Variants in C16orf74 observed in about 807,000 individuals in gnomAD.
The protein encoded by C16orf74 is calcimembrin.
C16orf74 carries 10 observed loss-of-function variants against 6.5 expected under a neutral mutation model. The observed-to-expected ratio is 1.54, with a 90% confidence interval of 0.95 to 2.61. The LOEUF is 2.61. Ranked by LOEUF, C16orf74 falls within the 30% of genes most tolerant of loss-of-function variation. C16orf74 has a pLI of 0.00. For synonymous variants in C16orf74, 60 were observed against 42.5 expected (o/e 1.41, Z -1.60); for missense variants, 141 against 105.9 (o/e 1.33, Z -1.45).
At chr16:85,741,086 G>C (rs567288659) in intron 1 of C16orf74, among the ~76,000 whole-genome samples, 1 of 152,290 alleles carries the variant, frequency 6.6e-6, no homozygotes, top group Admixed American at 6.5e-5. Context: ...GGAAAGAAAG[G>C]CAACATCCAG....
In C16orf74 at chr16:85,714,400, T is replaced by A. The variant is rs199806841; in HGVS notation, c.29-4093A>T. On this transcript the variant is annotated intron_variant, in intron 2 of 3. Coordinates refer to ENST00000284245, the MANE Select transcript of C16orf74 (RefSeq NM_206967.3). ...CCTATTATTTATTTATTTATTTATT[T>A]ATTATTTATTTATTTATTTATTTAT... Among the ~76,000 whole-genome samples, 78 of 32,130 alleles carry A rather than the reference T, an allele frequency of 2.4e-3. 1 individual carries two copies. The highest frequency in any genetic ancestry group is 8.1e-3 in the African/African-American group (77 of 9,478). The allele number at this position is 32,130 out of a possible 152,430, so 21.1% of individuals were successfully genotyped here.
In C16orf74 at chr16:85,734,100, T is replaced by C. The variant is rs1015113551; in HGVS notation, c.28+1090A>G. ...TCCCCTCGGCTTTCCAGTAAATTCCTTGTTAACCAGTATCCGCTTCTGTAG... is the reference window on the plus strand; with the variant it reads ...TCCCCTCGGCTTTCCAGTAAATTCCCTGTTAACCAGTATCCGCTTCTGTAG... On this transcript the variant is annotated intron_variant, in intron 2 of 3. Transcript: ENST00000284245. Among the ~76,000 whole-genome samples, 5 of 152,202 alleles carry C rather than the reference T, an allele frequency of 3.3e-5. No homozygotes were observed. The South Asian group carries it at 8.3e-4, about 25-fold the overall frequency.
At chr16:85,745,691 A>G (rs910242658) in intron 1 of C16orf74, among the ~76,000 whole-genome samples, 1 of 150,818 alleles carries the variant, frequency 6.6e-6, no homozygotes, top group Non-Finnish European at 1.5e-5. Flanking sequence ...CGCTGGCTGG[A>G]GGGACCCTGC....
At chr16:85,730,187 T>A (rs1478806230) in intron 2 of C16orf74, among the ~76,000 whole-genome samples, 3 of 152,100 alleles carry the variant, frequency 2.0e-5, no homozygotes, top group African/African-American at 7.2e-5. Context: ...AAGAACGTCA[T>A]ACCCACTGTG....
At chr16:85,731,053 A>C (rs2054182484) in intron 2 of C16orf74, among the ~76,000 whole-genome samples, 1 of 152,200 alleles carries the variant, frequency 6.6e-6, no homozygotes, top group Admixed American at 6.5e-5. Context: ...ATCTATTTCT[A>C]CTGGATGGTG....
Position 85,740,827 on chromosome 16 carries a change from C to CA in C16orf74, c.-18-5593dup, listed in dbSNP as rs57813380. Among the ~76,000 whole-genome samples, 399 of 97,882 alleles carry CA rather than the reference C, an allele frequency of 4.1e-3. 49 individuals are homozygous for CA. Among genetic ancestry groups the CA allele is most frequent in the African/African-American group, 0.015 (369 of 24,506 alleles). 64.2% of individuals were successfully genotyped at this position (97,882 alleles called of 152,430 possible). ...AGCCTGGGCAAGAGAGTGAGACCCT[C>CA]AAAAAAAAAAAAAAAAAAAGAAAGA... On this transcript the variant is annotated intron_variant, in intron 1 of 3. Coordinates refer to ENST00000284245, the MANE Select transcript of C16orf74 (RefSeq NM_206967.3).
At chr16:85,719,331 G>A (rs1015591377) in intron 2 of C16orf74, among the ~76,000 whole-genome samples, 16 of 152,182 alleles carry the variant, frequency 1.1e-4, no homozygotes, top group African/African-American at 3.9e-4. Flanking sequence ...GCAGGAATCA[G>A]GTCCCCAAGA....
intron 2 of C16orf74, among the ~76,000 whole-genome samples, chr16:85,722,961 A>G (rs1285745363): frequency 3.3e-5 from 5 of 152,216 alleles, no homozygotes; most frequent in Non-Finnish European, 7.3e-5. Flanking sequence ...AGGTTGAGCC[A>G]CTTGCCCAAG....
At chr16:85,734,426 C>A (rs1304822565) in intron 2 of C16orf74, among the ~76,000 whole-genome samples, 1 of 152,168 alleles carries the variant, frequency 6.6e-6, no homozygotes, top group Non-Finnish European at 1.5e-5. Flanking sequence ...GGTAGGTGGC[C>A]TCTGCCTGGA....
At chr16:85,742,018 C>T (rs1430892778) in intron 1 of C16orf74, among the ~76,000 whole-genome samples, 2 of 152,156 alleles carry the variant, frequency 1.3e-5, no homozygotes, top group African/African-American at 2.4e-5. Context: ...TGCTTGGTGC[C>T]GTCCTCACAG....
chr16:85,731,845 C>A (rs1241654631), intron 2 of C16orf74, among the ~76,000 whole-genome samples: 1 of 152,082 alleles, frequency 6.6e-6, no homozygotes, highest in Non-Finnish European at 1.5e-5. Context: ...GAAATGCCAC[C>A]ATTCCCTGAT....
At chr16:85,732,095 G>T (rs1414135224) in intron 2 of C16orf74, among the ~76,000 whole-genome samples, 1 of 152,222 alleles carries the variant, frequency 6.6e-6, no homozygotes, top group African/African-American at 2.4e-5. Flanking sequence ...AGACAGAAGA[G>T]GAAAGCCATG....
chr16:85,721,437 C>A (rs533959669), intron 2 of C16orf74, among the ~76,000 whole-genome samples: 89 of 152,296 alleles, frequency 5.8e-4, no homozygotes, highest in African/African-American at 2.1e-3. Context: ...CCAACTGTCC[C>A]TGGAGGGCAG....
At chr16:85,710,482 T>A in intron 2 of C16orf74, 175 bp from the exon 3 acceptor site, 1 of 543,810 alleles carries the variant, frequency 1.8e-6, no homozygotes, top group South Asian at 2.8e-5. Context: ...GTCTCAGGAA[T>A]GAAAAAGGAG....
At chr16:85,709,657 G>A (rs1356096564) in intron 3 of C16orf74, among the ~76,000 whole-genome samples, 2 of 152,182 alleles carry the variant, frequency 1.3e-5, no homozygotes, top group Admixed American at 6.5e-5. Context: ...GCCGATTTGG[G>A]CCTCTGTCTC....
intron 2 of C16orf74, among the ~76,000 whole-genome samples, chr16:85,718,482 G>A (rs1567804018): frequency 6.6e-6 from 1 of 152,210 alleles, no homozygotes; most frequent in Non-Finnish European, 1.5e-5. Flanking sequence ...GCTCCAGCCT[G>A]TCGGACCCAC....
chr16:85,741,753 C>T (rs565731905), intron 1 of C16orf74: 25 of 168,618 alleles, frequency 1.5e-4, no homozygotes, highest in South Asian at 1.0e-3. Context: ...GGTCATTTCC[C>T]GAGTCTGAGG....
intron 3 of C16orf74, 89 bp downstream of exon 3, chr16:85,710,075 G>T: frequency 1.7e-6 from 2 of 1,143,258 alleles, no homozygotes. Flanking sequence ...CGCAAGCTAG[G>T]CCCCGTGGCC....
Position 85,735,684 on chromosome 16 carries a change from C to CTTT in C16orf74, c.-18-452_-18-450dup, listed in dbSNP as rs66521638. ...TGGCCATGTACCTCCCGTTCTAATG[C>CTTT]TTTTTTTTTTTCCCCTAATGCAGGT... On this transcript the variant is annotated intron_variant, in intron 1 of 3. Coordinates refer to ENST00000284245, the MANE Select transcript of C16orf74 (RefSeq NM_206967.3). Among the ~76,000 whole-genome samples, 3 of 147,872 alleles carry CTTT rather than the reference C, an allele frequency of 2.0e-5. No individual in the cohort carries two copies. The East Asian group carries it at 5.9e-4, about 29-fold the overall frequency.
Sources: gnomAD v4.1 joint callset for allele counts (sites outside exome capture counted in the v4.1 genomes callset) on GRCh38, gnomAD v4.1.1 for gene constraint, MANE v1.5 for transcripts, NCBI Gene and HGNC (gene_info 2026-07-23, HGNC 2026-07-21) for gene names.